SLC8A1: variants seen among roughly 807,000 people sequenced by gnomAD.
The protein encoded by SLC8A1 is sodium/calcium exchanger 1.
A neutral mutation model predicts 68.3 loss-of-function variants in SLC8A1; 18 were observed. The observed-to-expected ratio is 0.26, with a 90% CI of 0.18 to 0.39. SLC8A1 has a LOEUF of 0.39. Ranked by LOEUF, SLC8A1 falls within the 10% of genes least tolerant of loss-of-function variation. The pLI is 1.00. For missense variants in SLC8A1, 985 were observed against 1,156.7 expected (o/e 0.85, Z 2.15); for synonymous variants, 475 against 415.5 (o/e 1.14, Z -1.74).
intron 2 of SLC8A1, among the ~76,000 whole-genome samples, chr2:40,178,933 T>G (rs540050128): frequency 3.3e-4 from 51 of 152,354 alleles, no homozygotes; most frequent in African/African-American, 1.2e-3. Flanking sequence ...TCTGAGCAAT[T>G]GGCTTACAGG....
chr2:40,401,916 A>G (rs1310648812), intron 2 of SLC8A1, among the ~76,000 whole-genome samples: 1 of 152,178 alleles, frequency 6.6e-6, no homozygotes, highest in African/African-American at 2.4e-5. Context: ...TGGGTACTAA[A>G]AAATACATAT....
chr2:40,505,193 G>T (rs770887670), intron 1 of SLC8A1, among the ~76,000 whole-genome samples: 2 of 151,954 alleles, frequency 1.3e-5, no homozygotes, highest in South Asian at 4.2e-4. Context: ...GTTACCAGAG[G>T]CTGGCAAGGG....
chr2:40,152,016 G>T (rs1289877904), intron 6 of SLC8A1, among the ~76,000 whole-genome samples: 1 of 152,176 alleles, frequency 6.6e-6, no homozygotes, highest in Non-Finnish European at 1.5e-5. Context: ...CACTTAATGT[G>T]ACCATTAAAC....
intron 2 of SLC8A1, among the ~76,000 whole-genome samples, chr2:40,181,225 G>A (rs2049487681): frequency 6.6e-6 from 1 of 152,178 alleles, no homozygotes; most frequent in Non-Finnish European, 1.5e-5. Context: ...CTCCCAAAGT[G>A]CTGGGATTAC....
intron 2 of SLC8A1, among the ~76,000 whole-genome samples, chr2:40,252,952 T>TGTGTGTATATGTATGTACATATATAC (rs1558965533): frequency 5.8e-4 from 68 of 117,574 alleles, no homozygotes; most frequent in African/African-American, 2.3e-3. Context: ...CATATATACA[T>TGTGTGTATATGTATGTACATATATAC]ATGTGTGTAT....
chr2:40,163,143 A>C (rs972066141), intron 5 of SLC8A1, among the ~76,000 whole-genome samples: 4 of 152,192 alleles, frequency 2.6e-5, no homozygotes, highest in Non-Finnish European at 5.9e-5. Context: ...AACTGGTTTC[A>C]TGTAGAGACT....
chr2:40,510,733 A>T (rs2149947445), intron 1 of SLC8A1, among the ~76,000 whole-genome samples: 1 of 150,782 alleles, frequency 6.6e-6, no homozygotes, highest in African/African-American at 2.4e-5. Context: ...AATATAGAAT[A>T]TTAGTATTTT....
intron 2 of SLC8A1, among the ~76,000 whole-genome samples, chr2:40,337,933 T>G (rs1666500886): frequency 1.3e-5 from 2 of 152,180 alleles, no homozygotes; most frequent in Admixed American, 6.5e-5. Context: ...AAAAGTCATT[T>G]TGAGGTGTGA....
At chr2:40,353,203 C>G (rs1157304246) in intron 2 of SLC8A1, among the ~76,000 whole-genome samples, 1 of 152,158 alleles carries the variant, frequency 6.6e-6, no homozygotes, top group African/African-American at 2.4e-5. Flanking sequence ...GAAGCATTCT[C>G]CTGCCTGCTC....
intron 4 of SLC8A1, among the ~76,000 whole-genome samples, 197 bp downstream of exon 7, chr2:40,170,084 C>T (rs1436567845): frequency 6.6e-6 from 1 of 152,182 alleles, no homozygotes; most frequent in Non-Finnish European, 1.5e-5. Context: ...GGGCTGGTCC[C>T]TACTCAGTGC....
chr2:40,261,203 G>C (rs952723939), intron 2 of SLC8A1, among the ~76,000 whole-genome samples: 10 of 152,160 alleles, frequency 6.6e-5, no homozygotes, highest in Admixed American at 1.3e-4. Flanking sequence ...GATGTGTGGA[G>C]ATCAATTACC....
At chr2:40,430,290 A>G in exon 2 of SLC8A1, 9 of 1,596,240 alleles carry the variant, frequency 5.6e-6, no homozygotes, top group Non-Finnish European at 7.7e-6. Flanking sequence ...TGACACTTCC[A>G]ACTGTCACAA....
intron 2 of SLC8A1, among the ~76,000 whole-genome samples, chr2:40,352,776 T>C (rs1468074801): frequency 6.6e-6 from 1 of 152,188 alleles, no homozygotes; most frequent in Non-Finnish European, 1.5e-5. Context: ...CTTTCAGAAG[T>C]AGGACGTGGC....
In SLC8A1 at chr2:40,343,411, G is replaced by C. The variant is rs531403314; in HGVS notation, c.1808+85062C>G. On this transcript the variant is annotated intron_variant, in intron 2 of 7. Coordinates refer to ENST00000406785, the Ensembl canonical transcript of SLC8A1. ...CTGAAGTCACTTGGAATTCTAAGAA[G>C]TCACTTGGAATTCTAACATCCTATT... 2.6e-5 allele frequency among the ~76,000 whole-genome samples: 4 copies of C among 152,214 alleles called. No homozygotes were observed. The East Asian group carries it at 7.7e-4, about 29-fold the overall frequency.
chr2:40,222,183 T>TAC (rs2058423026), intron 2 of SLC8A1, among the ~76,000 whole-genome samples: 2 of 150,946 alleles, frequency 1.3e-5, no homozygotes. Flanking sequence ...TATATATATA[T>TAC]ACCAGTGGAA....
At chr2:40,232,293 A>G (rs2148902370) in intron 2 of SLC8A1, among the ~76,000 whole-genome samples, 1 of 152,284 alleles carries the variant, frequency 6.6e-6, no homozygotes, top group South Asian at 2.1e-4. Context: ...TCAGGGGCAT[A>G]CAGGTAGGTG....
chr2:40,253,155 ATATATATG>A lies in SLC8A1; in HGVS notation c.1809-75308_1809-75301del, dbSNP rs564530492. 2.1e-3 allele frequency among the ~76,000 whole-genome samples: 256 copies of A among 124,236 alleles called. 1 individual carries two copies. The highest frequency in any genetic ancestry group is 3.5e-3 in the Non-Finnish European group (219 of 61,808). The allele number at this position is 124,236 out of a possible 152,430, so 81.5% of individuals were successfully genotyped here. On this transcript the variant is annotated intron_variant, in intron 2 of 7. Transcript: ENST00000406785. ...TATATATGTATATGTATATACATAC[ATATATATG>A]TATATACACACAAATATACATATAT...
chr2:40,355,709 CA>C (rs779526643), intron 2 of SLC8A1, among the ~76,000 whole-genome samples: 12 of 152,132 alleles, frequency 7.9e-5, no homozygotes, highest in Non-Finnish European at 1.6e-4. Flanking sequence ...ATGCACGTAA[CA>C]AACACTGGTC....
intron 2 of SLC8A1, among the ~76,000 whole-genome samples, chr2:40,420,985 T>C (rs1441446302): frequency 6.6e-6 from 1 of 152,166 alleles, no homozygotes; most frequent in Non-Finnish European, 1.5e-5. Context: ...CTACTTGATA[T>C]AGTTGCAAAG....
Sources: allele counts gnomAD v4.1 joint callset (sites outside exome capture counted in the v4.1 genomes callset), GRCh38; gene constraint gnomAD v4.1.1; transcripts MANE v1.5; gene names NCBI Gene and HGNC (gene_info 2026-07-23, HGNC 2026-07-21).